The following UPK1B variants were observed in gnomAD, a reference collection of about 807,000 sequenced individuals.
The protein encoded by UPK1B is uroplakin 1B.
UPK1B carries 28 observed loss-of-function variants against 34.2 expected under a neutral mutation model. The ratio of observed to expected loss-of-function variants is 0.82; its 90% CI spans 0.61 to 1.12. UPK1B has a LOEUF of 1.12. Among genes scored for constraint, UPK1B ranks in the 50% most tolerant of loss-of-function variants. UPK1B has a pLI of 0.00. For synonymous variants in UPK1B, 81 were observed against 110.4 expected, an observed-to-expected ratio of 0.73 and a Z score of 1.67; for missense variants, 325 against 320.9, an observed-to-expected ratio of 1.01 and a Z score of -0.10.
At chr3:119,193,757 G>A (rs2078053676) in intron 5 of UPK1B, among the ~76,000 whole-genome samples, 1 of 151,990 alleles carries the variant, frequency 6.6e-6, no homozygotes, top group Non-Finnish European at 1.5e-5. Flanking sequence ...AATTTGCTCT[G>A]ATATATCAGA....
intron 6 of UPK1B, among the ~76,000 whole-genome samples, chr3:119,195,741 G>T (rs2078063971): frequency 6.6e-6 from 1 of 152,044 alleles, no homozygotes; most frequent in Non-Finnish European, 1.5e-5. Context: ...TCTTTGAAAG[G>T]GATAAAAATA....
In UPK1B at chr3:119,190,979, T is replaced by C; in HGVS notation, c.346-3T>C. On this transcript the variant is annotated splice_polypyrimidine_tract_variant and splice_region_variant and intron_variant, in intron 4 of 7. Transcript: ENST00000264234. ...CCTCTTGTGTTGCCTCTTCCTACTA[T>C]AGTTCACACCCAACCTCTTCCTGAA... 5.6e-6 allele frequency: 9 copies of C among 1,613,846 alleles called. No homozygotes were observed. The highest frequency in any genetic ancestry group is 7.6e-6 in the Non-Finnish European group (9 of 1,179,814).
At chr3:119,176,285 G>GA (rs1314676927) in intron 1 of UPK1B, among the ~76,000 whole-genome samples, 1 of 152,072 alleles carries the variant, frequency 6.6e-6, no homozygotes, top group Non-Finnish European at 1.5e-5. Flanking sequence ...TAATGAACTT[G>GA]AAAAAATGAT....
At chr3:119,196,545 T>C (rs568154286) in intron 6 of UPK1B, among the ~76,000 whole-genome samples, 56 of 145,904 alleles carry the variant, frequency 3.8e-4, no homozygotes, top group African/African-American at 1.3e-3. Context: ...CTTTTTTTTT[T>C]TTTTTTTTTG....
rs562654822 is a variant in UPK1B at position 119,187,896 on chromosome 3, T to G, written c.191T>G (p.Phe64Cys). The G allele has an allele frequency of 1.9e-6, 3 of 1,614,114 alleles. No individual in the cohort carries two copies. The highest frequency in any genetic ancestry group is 2.2e-5 in the South Asian group (2 of 91,058). ...TATGGGGCTGCCTGGATCGGCATAT[T>G]TGTGGGCATCTGCCTCTTCTGCCTG... ...DIYGAAWIGI[F>C]VGICLFCLSV... The change falls in exon 3 of 8, where the codon TTT becomes TGT. Residue 64 changes from phenylalanine (F) to cysteine (C), a missense_variant. Physicochemically the swap from Phe to Cys is radical, Grantham distance 205. Transcript: ENST00000264234.
At position 119,180,968 on chromosome 3, in the gene UPK1B, AG is replaced by A. The variant is rs138572590; in HGVS notation, c.-28-5741del. Among the ~76,000 whole-genome samples the A allele has an allele frequency of 4.8e-3, 734 of 152,322 alleles. 4 individuals carry two copies. The highest frequency in any genetic ancestry group is 8.3e-3 in the Non-Finnish European group (564 of 68,026). ...AGACATCTTCCATTGAATGAGGGGC[AG>A]GGGGAAGTCTTTGACACAGACTTTG... On this transcript the variant is annotated intron_variant, in intron 1 of 7. Coordinates refer to ENST00000264234, the MANE Select transcript of UPK1B (RefSeq NM_006952.4).
chr3:119,193,154 T>C (rs913695644), intron 5 of UPK1B, among the ~76,000 whole-genome samples: 5 of 152,224 alleles, frequency 3.3e-5, no homozygotes, highest in East Asian at 1.9e-4. Context: ...GTTGTCACTC[T>C]TTACCCAAAT....
intron 1 of UPK1B, among the ~76,000 whole-genome samples, chr3:119,180,267 T>C (rs1307204675): frequency 6.6e-6 from 1 of 152,248 alleles, no homozygotes; most frequent in Non-Finnish European, 1.5e-5. Context: ...AGCCACGTTA[T>C]GGAGGGTAAT....
intron 6 of UPK1B, among the ~76,000 whole-genome samples, chr3:119,197,169 A>G (rs1333079997): frequency 2.6e-5 from 4 of 152,200 alleles, no homozygotes; most frequent in Non-Finnish European, 5.9e-5. Flanking sequence ...AATAGTAGAA[A>G]TTAACTAGAA....
At chr3:119,179,527 T>TTTTTTTTTTA (rs1553741698) in intron 1 of UPK1B, among the ~76,000 whole-genome samples, 1 of 131,568 alleles carries the variant, frequency 7.6e-6, no homozygotes, top group Non-Finnish European at 1.6e-5. Flanking sequence ...TTTTTTTTTT[T>TTTTTTTTTTA]GAGACGGAGT....
At position 119,203,844 on chromosome 3, in the gene UPK1B, T is replaced by C. The variant is rs1190825786; in HGVS notation, c.733-73T>C. 6 of 1,482,412 alleles carry C rather than the reference T, an allele frequency of 4.0e-6. No homozygotes were observed. The African/African-American group carries it at 5.5e-5, about 14-fold the overall frequency. 91.8% of individuals were successfully genotyped at this position (1,482,412 alleles called of 1,614,324 possible). A position where few individuals can be genotyped will look rare whatever the true frequency, so the allele number is the denominator to read the frequency against. On this transcript the variant is annotated intron_variant, in intron 7 of 7. Coordinates refer to ENST00000264234, the MANE Select transcript of UPK1B (RefSeq NM_006952.4). Reference sequence around the variant, plus strand: ...CACCTAAGCCTGAATGAACCTAACATCCACTTTTTCCAAGAATGAGATGTT... The same window carrying C: ...CACCTAAGCCTGAATGAACCTAACACCCACTTTTTCCAAGAATGAGATGTT...
chr3:119,196,431 G>A (rs1381209554), intron 6 of UPK1B, among the ~76,000 whole-genome samples: 7 of 152,136 alleles, frequency 4.6e-5, no homozygotes, highest in Admixed American at 4.6e-4. Flanking sequence ...TGATTCTACA[G>A]ATTTGATATT....
At chr3:119,200,164 T>C (rs2078085100) in intron 7 of UPK1B, among the ~76,000 whole-genome samples, 1 of 152,208 alleles carries the variant, frequency 6.6e-6, no homozygotes, top group Non-Finnish European at 1.5e-5. Context: ...AATAGTGCTT[T>C]AATAATATTC....
At chr3:119,197,859 T>C (rs893716123) in intron 6 of UPK1B, among the ~76,000 whole-genome samples, 1 of 81,876 alleles carries the variant, frequency 1.2e-5, no homozygotes, top group Non-Finnish European at 2.9e-5. Context: ...AGGAAAGGCT[T>C]TGTTGAGATG....
chr3:119,179,376 T>G (rs186339827), intron 1 of UPK1B, among the ~76,000 whole-genome samples: 2,810 of 67,216 alleles, frequency 0.042, 245 homozygotes, highest in East Asian at 0.29. Flanking sequence ...TATATATATA[T>G]ATATATATAT....
chr3:119,194,848 G>A (rs2078059116), intron 6 of UPK1B, among the ~76,000 whole-genome samples: 1 of 152,200 alleles, frequency 6.6e-6, no homozygotes, highest in Non-Finnish European at 1.5e-5. Flanking sequence ...TGGTAAAGTA[G>A]GACAGTCTTA....
At chr3:119,185,546 C>T (rs746503363) in intron 1 of UPK1B, among the ~76,000 whole-genome samples, 6 of 149,722 alleles carry the variant, frequency 4.0e-5, no homozygotes, top group African/African-American at 7.3e-5. Context: ...GCAAGACTTA[C>T]GTCTTCCCGC....
At chr3:119,199,287 A>C (rs747831851) in intron 7 of UPK1B, 147 bp downstream of exon 7, 3 of 867,894 alleles carry the variant, frequency 3.5e-6, no homozygotes, top group Non-Finnish European at 5.3e-6. Context: ...TGGCACCGGA[A>C]GAAGGACAGT....
intron 1 of UPK1B, among the ~76,000 whole-genome samples, chr3:119,181,168 G>A (rs2077988125): frequency 6.6e-6 from 1 of 152,156 alleles, no homozygotes; most frequent in African/African-American, 2.4e-5. Context: ...AGGAGGTTTA[G>A]AGCTGGTGAG....
Sources: allele counts gnomAD v4.1 joint callset (sites outside exome capture counted in the v4.1 genomes callset), GRCh38; gene constraint gnomAD v4.1.1; transcripts MANE v1.5; gene names NCBI Gene and HGNC (gene_info 2026-07-23, HGNC 2026-07-21).